Variants in KRT8 observed in about 807,000 individuals in gnomAD.
KRT8 encodes the protein keratin, type II cytoskeletal 8.
A neutral mutation model predicts 43.0 loss-of-function variants in KRT8; 24 were observed. That is an observed-to-expected ratio of 0.56 (90% confidence interval 0.40 to 0.78). The LOEUF is 0.78. Ranked by LOEUF, KRT8 falls within the 30% of genes least tolerant of loss-of-function variation. KRT8 has a pLI of 0.00. For missense variants in KRT8, 492 were observed against 638.4 expected, an observed-to-expected ratio of 0.77 and a Z score of 2.47; for synonymous variants, 214 against 261.2, an observed-to-expected ratio of 0.82 and a Z score of 1.74.
upstream of KRT8, among the ~76,000 whole-genome samples, chr12:52,907,749 C>T (rs1487673986): frequency 1.3e-5 from 2 of 152,196 alleles, no homozygotes; most frequent in African/African-American, 4.8e-5. Flanking sequence ...AACCTTCCCC[C>T]AGATGCCCCA....
chr12:52,926,310 C>G (rs953277021), intron 2 of KRT8: 1 of 1,027,450 alleles, frequency 9.7e-7, no homozygotes, highest in Non-Finnish European at 1.4e-6. Context: ...TGAGGCTTAG[C>G]CTTCCCCACC....
upstream of KRT8, chr12:52,906,991 TACACACAC>T (rs112479898): frequency 1.7e-5 from 5 of 292,498 alleles, no homozygotes; most frequent in South Asian, 3.3e-5. Context: ...CACGCGTGCA[TACACACAC>T]ACACACACAC....
At chr12:52,923,273 T>C (rs1263236875) in intron 2 of KRT8, among the ~76,000 whole-genome samples, 1 of 152,226 alleles carries the variant, frequency 6.6e-6, no homozygotes, top group African/African-American at 2.4e-5. Flanking sequence ...AAACATAAGT[T>C]TGGAAATCAA....
upstream of KRT8, among the ~76,000 whole-genome samples, chr12:52,911,184 T>C (rs1941629549): frequency 1.3e-5 from 2 of 152,200 alleles, no homozygotes; most frequent in Non-Finnish European, 2.9e-5. Context: ...AAACCCCATT[T>C]CTACTAAAAA....
At chr12:52,902,681 C>T (rs982588723) in intron 1 of KRT8, among the ~76,000 whole-genome samples, 4 of 151,998 alleles carry the variant, frequency 2.6e-5, no homozygotes, top group Admixed American at 6.5e-5. Flanking sequence ...AGCCACCGCG[C>T]CCGGCCAAAA....
At chr12:52,913,756 C>T (rs1349731917) in intron 2 of KRT8, among the ~76,000 whole-genome samples, 3 of 152,230 alleles carry the variant, frequency 2.0e-5, no homozygotes, top group Non-Finnish European at 4.4e-5. Context: ...TGTGCGTGTA[C>T]CACCCGTCAG....
intron 2 of KRT8, among the ~76,000 whole-genome samples, chr12:52,932,093 T>C (rs1385599209): frequency 2.5e-5 from 3 of 121,944 alleles, no homozygotes; most frequent in Non-Finnish European, 4.9e-5. Context: ...TAAATCATTC[T>C]TTTTTTTTTT....
At chr12:52,910,242 ATT>A (rs1941607238), upstream of KRT8, among the ~76,000 whole-genome samples, 1 of 152,094 alleles carries the variant, frequency 6.6e-6, no homozygotes, top group African/African-American at 2.4e-5. Context: ...CCCGTGGGAG[ATT>A]ATAACAGTAT....
At chr12:52,918,237 A>AGAAGAAGAG (rs1565725852) in intron 2 of KRT8, among the ~76,000 whole-genome samples, 2 of 151,564 alleles carry the variant, frequency 1.3e-5, no homozygotes, top group African/African-American at 4.9e-5. Flanking sequence ...AAGAAGAAGA[A>AGAAGAAGAG]GAAGAAGAAG....
At chr12:52,948,935 G>A (rs964352053) in intron 2 of KRT8, 3 of 435,800 alleles carry the variant, frequency 6.9e-6, no homozygotes, top group Admixed American at 4.4e-5. Flanking sequence ...CCCGTTTCTG[G>A]GGGGTGAGCG....
At chr12:52,938,606 C>T (rs575992528) in intron 2 of KRT8, among the ~76,000 whole-genome samples, 1 of 149,696 alleles carries the variant, frequency 6.7e-6, no homozygotes, top group East Asian at 2.1e-4. Flanking sequence ...GGAAGACTCC[C>T]CTCTCTACAA....
chr12:52,909,213 C>CATA (rs1181462623), upstream of KRT8, among the ~76,000 whole-genome samples: 3 of 152,168 alleles, frequency 2.0e-5, no homozygotes, highest in Non-Finnish European at 4.4e-5. Flanking sequence ...TTGTGCCCAG[C>CATA]ATAAGGGGTC....
chr12:52,902,012 G>C, exon 2 of KRT8: 1 of 1,603,294 alleles, frequency 6.2e-7, no homozygotes, highest in Non-Finnish European at 8.5e-7. Flanking sequence ...GCCGTCTTCT[G>C]CTGCTGCAGG....
rs869098018 is a variant in KRT8, at chr12:52,918,180, GGAA to G, written c.-46-13156_-46-13154del. On this transcript the variant is annotated intron_variant, in intron 2 of 6. Transcript: ENST00000546826. ...GGGAAGAAGAAGAAGAAGAGGAAGA[GGAA>G]GAAGAAGAAGAAGAAGAAGAACAAG... 4.7e-3 allele frequency among the ~76,000 whole-genome samples: 347 copies of G among 73,804 alleles called. 9 individuals carry two copies. Among genetic ancestry groups the G allele is most frequent in the Middle Eastern group, 9.6e-3 (1 of 104 alleles). 48.4% of individuals were successfully genotyped at this position (73,804 alleles called of 152,430 possible).
intron 7 of KRT8, 40 bp from the exon 8 acceptor site, chr12:52,897,658 C>G (rs1020042542): frequency 6.3e-7 from 1 of 1,597,526 alleles, no homozygotes; most frequent in African/African-American, 1.3e-5. Flanking sequence ...TACAGAAGCC[C>G]ACCCCATGGC....
chr12:52,931,397 C>T (rs1323709754), intron 2 of KRT8, among the ~76,000 whole-genome samples: 1 of 152,042 alleles, frequency 6.6e-6, no homozygotes, highest in Non-Finnish European at 1.5e-5. Context: ...AATAGTTTCC[C>T]TTGGTTTTTG....
chr12:52,908,762 T>G (rs145586935), upstream of KRT8, among the ~76,000 whole-genome samples: 171 of 152,192 alleles, frequency 1.1e-3, no homozygotes, highest in African/African-American at 4.0e-3. Context: ...TCCCAGCACT[T>G]TGGGAGGTCG....
chr12:52,924,745 C>T (rs1167032386), intron 2 of KRT8, among the ~76,000 whole-genome samples: 1 of 152,222 alleles, frequency 6.6e-6, no homozygotes, highest in Non-Finnish European at 1.5e-5. Flanking sequence ...ATGCACTCTT[C>T]TCTAAGAATT....
chr12:52,924,566 G>T (rs1282839955), intron 2 of KRT8, among the ~76,000 whole-genome samples: 2 of 152,012 alleles, frequency 1.3e-5, no homozygotes, highest in African/African-American at 4.8e-5. Context: ...TCCAGCTTGG[G>T]CGACAGAGCC....
Sources: gnomAD v4.1 joint callset for allele counts (sites outside exome capture counted in the v4.1 genomes callset) on GRCh38, gnomAD v4.1.1 for gene constraint, MANE v1.5 for transcripts, NCBI Gene and HGNC (gene_info 2026-07-23, HGNC 2026-07-21) for gene names.